Variants in CDKL4 observed in about 807,000 individuals in gnomAD.
CDKL4 encodes cyclin dependent kinase like 4, also known as cyclin-dependent kinase-like 4.
In CDKL4, 44 loss-of-function variants were observed where a neutral mutation model predicts 42.0. The ratio of observed to expected loss-of-function variants is 1.05; its 90% CI spans 0.82 to 1.35. CDKL4 has a LOEUF of 1.35. CDKL4 is among the 40% of genes most tolerant of loss of function. The pLI is 0.00. For missense variants in CDKL4, 393 were observed against 369.9 expected, an observed-to-expected ratio of 1.06 and a Z score of -0.51; for synonymous variants, 120 against 121.6, an observed-to-expected ratio of 0.99 and a Z score of 0.09.
intron 3 of CDKL4, among the ~76,000 whole-genome samples, chr2:39,216,998 G>A (rs1340423122): frequency 6.6e-6 from 1 of 152,120 alleles, no homozygotes; most frequent in Non-Finnish European, 1.5e-5. Context: ...CGTGCAAAGA[G>A]AAGATAGCCA....
chr2:39,226,426 TTTATATAAATTATATATA>T (rs1678717942), intron 2 of CDKL4, among the ~76,000 whole-genome samples: 1 of 140,886 alleles, frequency 7.1e-6, no homozygotes, highest in African/African-American at 2.7e-5. Flanking sequence ...CTTATTTATA[TTTATATAAATTATATATA>T]TTATATATAT....
chr2:39,195,247 A>T (rs558259377), intron 5 of CDKL4, among the ~76,000 whole-genome samples: 23 of 152,300 alleles, frequency 1.5e-4, no homozygotes, highest in Middle Eastern at 3.4e-3. Context: ...TGTCATTGTG[A>T]ATAATCCTAC....
chr2:39,181,888 C>G (rs944838100), intron 8 of CDKL4, among the ~76,000 whole-genome samples: 3 of 152,328 alleles, frequency 2.0e-5, no homozygotes, highest in African/African-American at 7.2e-5. Context: ...CCACTGTACC[C>G]TTGCCACCTC....
intron 8 of CDKL4, among the ~76,000 whole-genome samples, chr2:39,180,314 C>A (rs1410816423): frequency 6.6e-6 from 1 of 152,254 alleles, no homozygotes; most frequent in Non-Finnish European, 1.5e-5. Flanking sequence ...AGGCTCACCA[C>A]CAGCACAAAC....
At chr2:39,170,606 G>A in the CDKL4 span, among the ~76,000 whole-genome samples, 2 of 151,820 alleles carry the variant, frequency 1.3e-5, no homozygotes, top group Non-Finnish European at 2.9e-5. Context: ...ACAGGCGCCC[G>A]CCACCATGCC....
chr2:39,175,955 T>C (rs1675147515), exon 10 of CDKL4: 1 of 459,040 alleles, frequency 2.2e-6, no homozygotes, highest in Non-Finnish European at 4.5e-6. Flanking sequence ...GTACAAAATG[T>C]GTACATATTA....
chr2:39,196,579 A>G (rs1321426778), intron 5 of CDKL4, among the ~76,000 whole-genome samples: 1 of 152,184 alleles, frequency 6.6e-6, no homozygotes, highest in Non-Finnish European at 1.5e-5. Flanking sequence ...AAGGAACCAG[A>G]AAAACAATCC....
intron 3 of CDKL4, among the ~76,000 whole-genome samples, chr2:39,221,753 G>T (rs1678386664): frequency 6.6e-6 from 1 of 152,192 alleles, no homozygotes; most frequent in Admixed American, 6.5e-5. Context: ...GCTTGAACAT[G>T]CCTTGCTCTT....
At chr2:39,203,868 TG>T (rs1217438157) in intron 5 of CDKL4, among the ~76,000 whole-genome samples, 1 of 152,242 alleles carries the variant, frequency 6.6e-6, no homozygotes. Flanking sequence ...GTTTTGTTTT[TG>T]CCCAACCCTT....
At position 39,179,453 on chromosome 2, in the gene CDKL4, T is replaced by G. The variant is rs1675314168; in HGVS notation, c.793-132A>C. 4.4e-6 allele frequency: 3 copies of G among 681,976 alleles called. No individual in the cohort carries two copies. In the African/African-American group the frequency reaches 5.5e-5, roughly 12 times the overall value. 42.2% of individuals were successfully genotyped at this position (681,976 alleles called of 1,614,324 possible). On this transcript the variant is annotated intron_variant, in intron 8 of 9. Coordinates refer to ENST00000451199, the Ensembl canonical transcript of CDKL4. ...TTCCAGTTTGTGTATTATCAAGTAG[T>G]TGGAGCTTGCTAATAGCTAGGATTG...
chr2:39,193,745 A>G (rs1676340056), intron 5 of CDKL4, among the ~76,000 whole-genome samples: 1 of 152,226 alleles, frequency 6.6e-6, no homozygotes, highest in Non-Finnish European at 1.5e-5. Context: ...AGCATAAAGA[A>G]GAAAATAAAA....
exon 6 of CDKL4, chr2:39,190,306 T>C: frequency 6.8e-6 from 11 of 1,613,284 alleles, no homozygotes; most frequent in Non-Finnish European, 9.3e-6. Context: ...AATTCATACC[T>C]AGTGTTCTGA....
chr2:39,187,301 G>A (rs956797092), intron 7 of CDKL4, among the ~76,000 whole-genome samples: 3 of 152,098 alleles, frequency 2.0e-5, no homozygotes, highest in African/African-American at 7.2e-5. Context: ...CCAGTCTCGG[G>A]GAAGTTCTTT....
At chr2:39,169,519 C>G in the CDKL4 span, among the ~76,000 whole-genome samples, 1 of 152,082 alleles carries the variant, frequency 6.6e-6, no homozygotes, top group African/African-American at 2.4e-5. Context: ...AAAACACTCT[C>G]TAGAAAGCCT....
intron 9 of CDKL4, among the ~76,000 whole-genome samples, chr2:39,177,545 C>T (rs1461464063): frequency 2.0e-5 from 3 of 151,850 alleles, no homozygotes; most frequent in South Asian, 2.1e-4. Flanking sequence ...GCTGGGATTA[C>T]AGGCGCCCAC....
chr2:39,170,424 A>G, the CDKL4 span, among the ~76,000 whole-genome samples: 1 of 151,852 alleles, frequency 6.6e-6, no homozygotes, highest in Admixed American at 6.6e-5. Context: ...TGAAGCTAAC[A>G]CTGACTCCCC....
chr2:39,187,178 C>T (rs866219083), intron 7 of CDKL4, among the ~76,000 whole-genome samples: 1 of 152,076 alleles, frequency 6.6e-6, no homozygotes, highest in Non-Finnish European at 1.5e-5. Context: ...TCTCTCCTGC[C>T]GCCTTGTGAA....
intron 5 of CDKL4, among the ~76,000 whole-genome samples, chr2:39,191,537 A>G (rs1437076222): frequency 6.6e-6 from 1 of 152,226 alleles, no homozygotes; most frequent in Non-Finnish European, 1.5e-5. Flanking sequence ...TGTTGTTTTC[A>G]GCCACTCAGA....
rs1245538522 is a variant in CDKL4 at position 39,204,073 on chromosome 2, ACT to A, written c.454+452_454+453del. Among the ~76,000 whole-genome samples, 8 of 151,452 alleles carry A rather than the reference ACT, an allele frequency of 5.3e-5. 1 individual carries two copies. Among genetic ancestry groups the A allele is most frequent in the African/African-American group, 1.9e-4 (8 of 41,196 alleles). ...CTGGAATGATTTCCGTTTTCTTAGC[ACT>A]CTCTCTGAATCCTCTCTCTTTAATT... On this transcript the variant is annotated intron_variant, in intron 5 of 9. Coordinates refer to ENST00000451199, the Ensembl canonical transcript of CDKL4.
Sources: allele counts gnomAD v4.1 joint callset (sites outside exome capture counted in the v4.1 genomes callset), GRCh38; gene constraint gnomAD v4.1.1; transcripts MANE v1.5; gene names NCBI Gene and HGNC (gene_info 2026-07-23, HGNC 2026-07-21).